The following RGCC variants were observed in gnomAD, a reference collection of about 807,000 sequenced individuals.
RGCC encodes regulator of cell cycle RGCC.
In RGCC, 15 loss-of-function variants were observed where a neutral mutation model predicts 15.4. That is an observed-to-expected ratio of 0.97 (90% CI 0.65 to 1.50). The LOEUF (loss-of-function observed/expected upper bound fraction) is 1.50, where lower values mean the gene tolerates loss of function less well. RGCC is among the 40% of genes most tolerant of loss of function. RGCC has a pLI of 0.00. For missense variants in RGCC, 176 were observed against 189.7 expected (o/e 0.93, Z 0.42); for synonymous variants, 81 against 78.0 (o/e 1.04, Z -0.20).
At chr13:41,466,005 C>A (rs1372236370) in intron 2 of RGCC, among the ~76,000 whole-genome samples, 2 of 152,052 alleles carry the variant, frequency 1.3e-5, no homozygotes, top group African/African-American at 4.8e-5. Flanking sequence ...CATGATGATC[C>A]TATCACCCCC....
chr13:41,469,405 A>C (rs2043865391), intron 4 of RGCC, among the ~76,000 whole-genome samples: 1 of 152,154 alleles, frequency 6.6e-6, no homozygotes, highest in Admixed American at 6.5e-5. Flanking sequence ...GCGTTTCCAA[A>C]CAGTGAGAAC....
intron 4 of RGCC, among the ~76,000 whole-genome samples, chr13:41,469,217 C>T (rs1566339497): frequency 1.3e-5 from 2 of 151,488 alleles, no homozygotes; most frequent in East Asian, 1.9e-4. Context: ...GCCGAGATTG[C>T]GCCACTGTAC....
At chr13:41,468,890 T>A (rs972770734) in intron 4 of RGCC, 52 bp downstream of exon 4, 1 of 1,312,788 alleles carries the variant, frequency 7.6e-7, no homozygotes, top group East Asian at 2.3e-5. Flanking sequence ...TAACAGACAC[T>A]TCTGATAAAG....
rs528093951 is a variant in RGCC at position 41,465,233 on chromosome 13, C to G, written c.236-1590C>G. 1.5e-3 allele frequency among the ~76,000 whole-genome samples: 234 copies of G among 152,292 alleles called. 1 individual carries two copies. The highest frequency in any genetic ancestry group is 5.2e-3 in the African/African-American group (215 of 41,556). ...GTAAGGCCCCCATCATTCAGCTGCC[C>G]TCTCACACCTGAAGAGCCACTTCTC... On this transcript the variant is annotated intron_variant, in intron 2 of 4. Coordinates refer to ENST00000379359, the MANE Select transcript of RGCC (RefSeq NM_014059.3).
chr13:41,466,253 TCACA>T (rs1335062143), intron 2 of RGCC, among the ~76,000 whole-genome samples: 1 of 146,630 alleles, frequency 6.8e-6, no homozygotes, highest in East Asian at 2.0e-4. Flanking sequence ...ACACCCACAC[TCACA>T]CACTCATGCA....
chr13:41,457,912 C>T lies in RGCC; in HGVS notation c.49+156C>T, dbSNP rs1430777224. Among the ~76,000 whole-genome samples, 6 of 152,054 alleles carry T rather than the reference C, an allele frequency of 3.9e-5. No homozygotes were observed. Among genetic ancestry groups the T allele is most frequent in the Non-Finnish European group, 8.8e-5 (6 of 67,986 alleles). On this transcript the variant is annotated intron_variant, in intron 1 of 4. Transcript: ENST00000379359. This position sits in a 1 kb window ranked among gnomAD's most constrained non-coding sequence, Gnocchi z 4.9. Reference sequence around the variant, plus strand: ...TTCCCGCGCGGGCGGCTGCAGCCTCCTTTCCGGCCCGGGCTGGCCCCCATG... The same window carrying T: ...TTCCCGCGCGGGCGGCTGCAGCCTCTTTTCCGGCCCGGGCTGGCCCCCATG...
At chr13:41,461,625 G>A (rs1457960585) in intron 2 of RGCC, among the ~76,000 whole-genome samples, 1 of 152,210 alleles carries the variant, frequency 6.6e-6, no homozygotes, top group African/African-American at 2.4e-5. Flanking sequence ...CAACAGAAAA[G>A]GTCTGAAGTC....
rs1225612231 is a variant in RGCC at position 41,457,560 on chromosome 13, C to G, written c.-148C>G. ...ACCCGAGCCGGTGGTAGGGCGGGCGCGGACCGTGCTGGGAGCGGCGCGGCT... is the reference window on the plus strand; with the variant it reads ...ACCCGAGCCGGTGGTAGGGCGGGCGGGGACCGTGCTGGGAGCGGCGCGGCT... On this transcript the variant is annotated 5_prime_UTR_variant, in exon 1 of 5. Coordinates refer to ENST00000379359, the MANE Select transcript of RGCC (RefSeq NM_014059.3). This position sits in a 1 kb window ranked among gnomAD's most constrained non-coding sequence, Gnocchi z 4.9. The G allele has an allele frequency of 7.6e-7, 1 of 1,324,158 alleles. No homozygotes were observed. Among genetic ancestry groups the G allele is most frequent in the East Asian group, 3.3e-5 (1 of 30,664 alleles). 82.0% of individuals were successfully genotyped at this position (1,324,158 alleles called of 1,614,324 possible).
chr13:41,470,054 C>A (rs774649953), intron 4 of RGCC, among the ~76,000 whole-genome samples: 5 of 152,050 alleles, frequency 3.3e-5, no homozygotes, highest in Non-Finnish European at 5.9e-5. Context: ...TGCTAAAGAG[C>A]CGGGTAAACT....
At position 41,470,666 on chromosome 13, in the gene RGCC, G is replaced by A; in HGVS notation, c.*181G>A. On this transcript the variant is annotated 3_prime_UTR_variant, in exon 5 of 5. Transcript: ENST00000379359. The stretch of plus-strand genomic sequence containing the variant: ...CTTGATCCCATTTCTGGGCAATTTA[G>A]ACAGTGAAACTGACTTTGTTTACCT... 1 of 624,794 alleles carries A rather than the reference G, an allele frequency of 1.6e-6. No individual in the cohort carries two copies. The highest frequency in any genetic ancestry group is 2.1e-5 in the South Asian group (1 of 48,290). 38.7% of individuals were successfully genotyped at this position (624,794 alleles called of 1,614,324 possible).
intron 3 of RGCC, among the ~76,000 whole-genome samples, chr13:41,467,203 G>GCAA (rs2043853477): frequency 6.6e-6 from 1 of 152,238 alleles, no homozygotes; most frequent in African/African-American, 2.4e-5. Context: ...TCTCTCATGT[G>GCAA]ATGTAATCAA....
At chr13:41,468,727 T>C (rs2043859727) in intron 3 of RGCC, 49 bp from the exon 4 acceptor site, 3 of 1,459,694 alleles carry the variant, frequency 2.1e-6, no homozygotes, top group Middle Eastern at 1.7e-4. Flanking sequence ...GTCTTTGTTA[T>C]GGAAACTGAA....
At chr13:41,468,004 A>G (rs997153911) in intron 3 of RGCC, among the ~76,000 whole-genome samples, 24 of 152,310 alleles carry the variant, frequency 1.6e-4, no homozygotes, top group Non-Finnish European at 2.6e-4. Flanking sequence ...CAGGGAAGGC[A>G]TGAATGATGT....
intron 2 of RGCC, among the ~76,000 whole-genome samples, chr13:41,466,216 C>T (rs961274470): frequency 1.3e-5 from 2 of 150,324 alleles, no homozygotes; most frequent in South Asian, 2.1e-4. Flanking sequence ...CACTCACACA[C>T]TTTCTCACAC....
In RGCC at chr13:41,470,504, C is replaced by A; in HGVS notation, c.*19C>A. ...TATGTGAAACAAGAAGTTCTGGGTCCTTTCATCATAAGGGAGAAGCTTCAG... is the reference window on the plus strand; with the variant it reads ...TATGTGAAACAAGAAGTTCTGGGTCATTTCATCATAAGGGAGAAGCTTCAG... On this transcript the variant is annotated 3_prime_UTR_variant, in exon 5 of 5. Transcript: ENST00000379359. 1.2e-6 allele frequency: 2 copies of A among 1,613,086 alleles called. No individual in the cohort carries two copies. The highest frequency in any genetic ancestry group is 1.7e-6 in the Non-Finnish European group (2 of 1,179,142).
chr13:41,459,117 C>T (rs780608493), intron 2 of RGCC, among the ~76,000 whole-genome samples: 1 of 152,144 alleles, frequency 6.6e-6, no homozygotes, highest in Non-Finnish European at 1.5e-5. Context: ...TGATCTTTCT[C>T]ACAATGGAGA....
Position 41,457,873 on chromosome 13 carries a change from A to G in RGCC, c.49+117A>G. ...CACCCTTCCATCCTCCCCGGCGGGA[A>G]CCTGTCCCCGGTCTTCCCGCGCGGG... On this transcript the variant is annotated intron_variant, in intron 1 of 4. Coordinates refer to ENST00000379359, the MANE Select transcript of RGCC (RefSeq NM_014059.3). The surrounding 1 kb of genome is among the most constrained non-coding windows in gnomAD (Gnocchi z 4.9). The G allele has an allele frequency of 7.6e-7, 1 of 1,312,750 alleles. No homozygotes were observed. The highest frequency in any genetic ancestry group is 9.8e-7 in the Non-Finnish European group (1 of 1,022,584). The allele number at this position is 1,312,750 out of a possible 1,614,324, so 81.3% of individuals were successfully genotyped here. A position where few individuals can be genotyped will look rare whatever the true frequency, so the allele number is the denominator to read the frequency against.
At position 41,457,844 on chromosome 13, in the gene RGCC, C is replaced by T; in HGVS notation, c.49+88C>T. On this transcript the variant is annotated intron_variant, in intron 1 of 4. Coordinates refer to ENST00000379359, the MANE Select transcript of RGCC (RefSeq NM_014059.3). The surrounding 1 kb of genome is among the most constrained non-coding windows in gnomAD (Gnocchi z 4.9). ...GGGGCCCCGTGTCGTCCCTTCACAC[C>T]CCCCACCCTTCCATCCTCCCCGGCG... 7.5e-7 allele frequency: 1 copy of T among 1,342,256 alleles called. No homozygotes were observed. The highest frequency in any genetic ancestry group is 9.6e-7 in the Non-Finnish European group (1 of 1,044,454). The allele number at this position is 1,342,256 out of a possible 1,614,324, so 83.1% of individuals were successfully genotyped here. A position where few individuals can be genotyped will look rare whatever the true frequency, so the allele number is the denominator to read the frequency against.
intron 4 of RGCC, among the ~76,000 whole-genome samples, chr13:41,469,462 G>C (rs1326420820): frequency 6.6e-6 from 1 of 152,106 alleles, no homozygotes; most frequent in Admixed American, 6.6e-5. Flanking sequence ...TGGAGAGCGA[G>C]CAAGACTGGA....
Sources: gnomAD v4.1 joint callset for allele counts (sites outside exome capture counted in the v4.1 genomes callset) on GRCh38, gnomAD v4.1.1 for gene constraint, Gnocchi (gnomAD v3.1) non-coding constraint, MANE v1.5 for transcripts, NCBI Gene and HGNC (gene_info 2026-07-23, HGNC 2026-07-21) for gene names.